ADAMTSL1: variants seen among roughly 807,000 people sequenced by gnomAD.
The protein encoded by ADAMTSL1 is ADAMTS-like protein 1.
Under a neutral mutation model 201.8 loss-of-function variants are expected in ADAMTSL1, and 126 were observed. That is an observed-to-expected ratio of 0.62 (90% CI 0.54 to 0.72). The LOEUF (loss-of-function observed/expected upper bound fraction) is 0.72. Ranked by LOEUF, ADAMTSL1 falls within the 30% of genes least tolerant of loss-of-function variation. The pLI, the probability that ADAMTSL1 is intolerant of heterozygous loss-of-function variation, is 0.00. For missense variants in ADAMTSL1, 2,679 were observed against 2,277.8 expected, an observed-to-expected ratio of 1.18 and a Z score of -3.59; for synonymous variants, 1,121 against 903.4, an observed-to-expected ratio of 1.24 and a Z score of -4.32.
chr9:17,927,427 T>C (rs7863226), intron 1 of ADAMTSL1, among the ~76,000 whole-genome samples: 132,288 of 151,948 alleles, frequency 0.87, 57,686 homozygotes, highest in East Asian at 0.94. Context: ...TATACATGTA[T>C]ACATATATGT....
intron 2 of ADAMTSL1, among the ~76,000 whole-genome samples, chr9:18,422,753 A>G (rs1819018920): frequency 6.6e-6 from 1 of 152,166 alleles, no homozygotes; most frequent in Non-Finnish European, 1.5e-5. Context: ...TTCCTGCAGC[A>G]TCCGGTATGG....
intron 1 of ADAMTSL1, among the ~76,000 whole-genome samples, chr9:18,485,713 G>GT (rs1423798114): frequency 6.6e-6 from 1 of 152,148 alleles, no homozygotes; most frequent in Non-Finnish European, 1.5e-5. Flanking sequence ...GAAAGGGAAG[G>GT]TAAGTTCAAG....
chr9:18,333,558 G>C (rs191272597), intron 2 of ADAMTSL1, among the ~76,000 whole-genome samples: 1 of 152,244 alleles, frequency 6.6e-6, no homozygotes, highest in Non-Finnish European at 1.5e-5. Context: ...TTGTAAAAAT[G>C]ACTTCAGATA....
At chr9:18,814,387 G>T (rs1041180005) in intron 20 of ADAMTSL1, among the ~76,000 whole-genome samples, 5 of 152,128 alleles carry the variant, frequency 3.3e-5, no homozygotes, top group Admixed American at 2.6e-4. Context: ...CAACTGAAAA[G>T]CTTCTGCACA....
intron 2 of ADAMTSL1, among the ~76,000 whole-genome samples, chr9:18,185,766 G>T (rs1828704373): frequency 1.3e-5 from 2 of 152,100 alleles, no homozygotes; most frequent in Admixed American, 1.3e-4. Flanking sequence ...TAACAAATGT[G>T]TGCATAATTA....
chr9:18,626,337 T>G (rs998748299), intron 5 of ADAMTSL1, among the ~76,000 whole-genome samples: 1 of 152,056 alleles, frequency 6.6e-6, no homozygotes, highest in Admixed American at 6.6e-5. Flanking sequence ...TTTCAGTAAA[T>G]TAATAAAGAA....
chr9:18,508,178 C>A (rs377553702), intron 2 of ADAMTSL1, among the ~76,000 whole-genome samples: 2 of 148,736 alleles, frequency 1.3e-5, no homozygotes, highest in African/African-American at 5.0e-5. Flanking sequence ...AGCGAAACTC[C>A]GTCTCAAAAA....
intron 2 of ADAMTSL1, among the ~76,000 whole-genome samples, chr9:18,309,192 T>C (rs890624221): frequency 3.9e-5 from 6 of 152,116 alleles, no homozygotes; most frequent in African/African-American, 1.4e-4. Context: ...TATCTCAAAA[T>C]AATAAGAGCT....
intron 4 of ADAMTSL1, among the ~76,000 whole-genome samples, chr9:18,585,108 C>T (rs907403532): frequency 5.9e-5 from 9 of 152,024 alleles, no homozygotes; most frequent in Admixed American, 3.3e-4. Flanking sequence ...TCATTTATTT[C>T]GTAATATTTT....
chr9:18,533,816 G>C (rs1001039209), intron 3 of ADAMTSL1, among the ~76,000 whole-genome samples: 2 of 152,088 alleles, frequency 1.3e-5, no homozygotes, highest in African/African-American at 2.4e-5. Context: ...CCACATTCTA[G>C]GAAAAAAATA....
At chr9:18,173,358 C>T (rs79192568) in intron 2 of ADAMTSL1, among the ~76,000 whole-genome samples, 3,354 of 152,192 alleles carry the variant, frequency 0.022, 115 homozygotes, top group African/African-American at 0.076. Flanking sequence ...CAGAACCCAA[C>T]ATCATGGGGC....
intron 19 of ADAMTSL1, chr9:18,793,396 C>T (rs2133830869): frequency 6.6e-6 from 1 of 152,304 alleles, no homozygotes; most frequent in East Asian, 1.9e-4. Flanking sequence ...GTCATACAGC[C>T]TGGAGAGACC....
intron 2 of ADAMTSL1, among the ~76,000 whole-genome samples, chr9:18,234,245 C>A (rs911830751): frequency 6.6e-6 from 1 of 152,082 alleles, no homozygotes; most frequent in Non-Finnish European, 1.5e-5. Context: ...AGGAGCAGAA[C>A]GTGTTGGCAG....
At chr9:18,252,045 C>G (rs1193569725) in intron 2 of ADAMTSL1, among the ~76,000 whole-genome samples, 6 of 150,994 alleles carry the variant, frequency 4.0e-5, no homozygotes, top group African/African-American at 1.5e-4. Flanking sequence ...AGACAGGAAA[C>G]CAAGATACTA....
intron 1 of ADAMTSL1, among the ~76,000 whole-genome samples, chr9:17,913,736 G>T (rs1405144455): frequency 5.3e-5 from 8 of 152,114 alleles, no homozygotes; most frequent in Non-Finnish European, 7.3e-5. Flanking sequence ...TCCAGGAGCT[G>T]GTTTTTTGAA....
rs117192649 is a variant in ADAMTSL1, at chr9:18,820,118, C to T, written c.3934+2881C>T. Among the ~76,000 whole-genome samples the T allele has an allele frequency of 2.8e-3, 427 of 152,228 alleles. 2 individuals carry two copies. The highest frequency in any genetic ancestry group is 8.4e-3 in the African/African-American group (347 of 41,532). On this transcript the variant is annotated intron_variant, in intron 21 of 28. Transcript: ENST00000380548. ...CTTGAGAATTTGCAACCCAGATTCT[C>T]GTAATAGACAGGGAAGAGGGACTCC... is the stretch of plus-strand genomic sequence containing the variant.
chr9:18,813,165 C>T (rs538896469), intron 20 of ADAMTSL1, among the ~76,000 whole-genome samples: 1 of 152,152 alleles, frequency 6.6e-6, no homozygotes, highest in East Asian at 1.9e-4. Context: ...TGGGGTTTCA[C>T]CATGTTGGCC....
At chr9:18,894,775 T>C (rs1829512266) in intron 26 of ADAMTSL1, among the ~76,000 whole-genome samples, 1 of 152,274 alleles carries the variant, frequency 6.6e-6, no homozygotes, top group Non-Finnish European at 1.5e-5. Context: ...GTCATTAGTA[T>C]ACAAGTGGTG....
At chr9:18,064,096 A>T (rs965033508) in intron 1 of ADAMTSL1, among the ~76,000 whole-genome samples, 1 of 152,196 alleles carries the variant, frequency 6.6e-6, no homozygotes, top group Non-Finnish European at 1.5e-5. Context: ...CTGTTGCTCC[A>T]TATGGAAACC....
Sources: allele counts gnomAD v4.1 joint callset (sites outside exome capture counted in the v4.1 genomes callset), GRCh38; gene constraint gnomAD v4.1.1; transcripts MANE v1.5; gene names NCBI Gene and HGNC (gene_info 2026-07-23, HGNC 2026-07-21).